NDC80: variants seen among roughly 807,000 people sequenced by gnomAD.
NDC80 encodes the protein kinetochore protein NDC80 homolog.
NDC80 carries 69 observed loss-of-function variants against 89.3 expected under a neutral mutation model. That is an observed-to-expected ratio of 0.77 (90% confidence interval 0.64 to 0.94). The LOEUF is 0.94. Among genes scored for constraint, NDC80 ranks in the 40% least tolerant of loss-of-function variants. The pLI, the probability that NDC80 is intolerant of heterozygous loss-of-function variation, is 0.00. For missense variants in NDC80, 593 were observed against 739.6 expected (o/e 0.80, Z 2.30); for synonymous variants, 243 against 255.6 (o/e 0.95, Z 0.47).
chr18:2,590,840 A>G (rs1388594230), intron 10 of NDC80, among the ~76,000 whole-genome samples: 1 of 152,254 alleles, frequency 6.6e-6, no homozygotes, highest in Non-Finnish European at 1.5e-5. Flanking sequence ...ATATAGAAAT[A>G]TATAAAAATT....
chr18:2,590,370 A>G (rs1370821826), intron 10 of NDC80, among the ~76,000 whole-genome samples: 1 of 152,218 alleles, frequency 6.6e-6, no homozygotes, highest in Non-Finnish European at 1.5e-5. Flanking sequence ...ACAGAAATGT[A>G]TTATCGCACA....
chr18:2,598,891 G>T, intron 11 of NDC80, 128 bp from the exon 12 acceptor site: 3 of 890,504 alleles, frequency 3.4e-6, no homozygotes, highest in South Asian at 2.4e-5. Context: ...TACTGCTAAA[G>T]ATTACTGAAT....
intron 1 of NDC80, 41 bp from the exon 2 acceptor site, chr18:2,572,936 G>C (rs1339592608): frequency 2.0e-6 from 3 of 1,510,640 alleles, no homozygotes; most frequent in Non-Finnish European, 2.7e-6. Context: ...TACCATCTCT[G>C]TCTGGAAAGT....
At chr18:2,604,661 A>G (rs2072701060) in intron 13 of NDC80, among the ~76,000 whole-genome samples, 1 of 152,206 alleles carries the variant, frequency 6.6e-6, no homozygotes, top group South Asian at 2.1e-4. Context: ...AGCCTAGGTG[A>G]CAAAGTGAGA....
At chr18:2,605,359 A>G (rs961361290) in intron 13 of NDC80, among the ~76,000 whole-genome samples, 12 of 149,724 alleles carry the variant, frequency 8.0e-5, no homozygotes, top group Admixed American at 5.4e-4. Flanking sequence ...GTACTTTGGG[A>G]CTCAGAAAAA....
intron 14 of NDC80, among the ~76,000 whole-genome samples, chr18:2,606,819 T>C (rs145687982): frequency 6.6e-6 from 1 of 152,212 alleles, no homozygotes; most frequent in East Asian, 1.9e-4. Context: ...TACCTTTTTG[T>C]AGAGATTTAT....
intron 7 of NDC80, among the ~76,000 whole-genome samples, chr18:2,585,710 CATT>C (rs1297820072): frequency 6.6e-6 from 1 of 151,700 alleles, no homozygotes; most frequent in East Asian, 1.9e-4. Context: ...GTTTGAATCA[CATT>C]ATAATTTCTT....
chr18:2,573,162 T>C (rs1024722592), intron 2 of NDC80, 76 bp downstream of exon 2: 21 of 1,194,360 alleles, frequency 1.8e-5, no homozygotes, highest in Non-Finnish European at 2.5e-5. Flanking sequence ...ATAGTTAATA[T>C]AAAGATGTAA....
chr18:2,589,263 T>C lies in NDC80; in HGVS notation c.823T>C (p.Leu275=). The change falls in exon 9 of 17, where the codon TTG becomes CTG. Residue 275 remains leucine (L), a synonymous_variant. Coordinates refer to ENST00000261597, the MANE Select transcript of NDC80 (RefSeq NM_006101.3). ...LESLEAKNRA[L]NEQIARLEQE... ...ATCATTAGAAGCAAAAAACAGAGCA[T>C]TGAATGAACAGATTGCAAGATTGGA... The C allele has an allele frequency of 3.7e-6, 6 of 1,613,870 alleles. No individual in the cohort carries two copies. The highest frequency in any genetic ancestry group is 2.7e-5 in the African/African-American group (2 of 75,022).
rs2072561278 is a variant in NDC80 at position 2,578,730 on chromosome 18, T to G, written c.477-197T>G. 2.0e-5 allele frequency among the ~76,000 whole-genome samples: 3 copies of G among 152,162 alleles called. 1 individual carries two copies. The South Asian group carries it at 6.2e-4, about 32-fold the overall frequency. On this transcript the variant is annotated intron_variant, in intron 5 of 16. Transcript: ENST00000261597. ...AGGTCAAGTTCTGCAGCTTCGGGGA[T>G]AGATGTACAAAGTAATCTACAGAGA... is the stretch of plus-strand genomic sequence containing the variant.
intron 3 of NDC80, 74 bp downstream of exon 3, chr18:2,575,140 C>A (rs1017183553): frequency 1.0e-6 from 1 of 958,342 alleles, no homozygotes; most frequent in Non-Finnish European, 1.6e-6. Flanking sequence ...AGAACAAATA[C>A]ATTAGATGAC....
At chr18:2,599,211 G>A (rs2143656755) in intron 12 of NDC80, 40 bp downstream of exon 12, 1 of 1,542,398 alleles carries the variant, frequency 6.5e-7, no homozygotes, top group Non-Finnish European at 8.8e-7. Context: ...TTTTAATTCT[G>A]TGATTGGTAT....
intron 13 of NDC80, among the ~76,000 whole-genome samples, chr18:2,604,974 G>C (rs1048892816): frequency 1.3e-5 from 2 of 152,162 alleles, no homozygotes; most frequent in African/African-American, 2.4e-5. Flanking sequence ...ACAGTGAATA[G>C]TAAATGGTAG....
chr18:2,598,475 A>G (rs1359338896), intron 11 of NDC80, among the ~76,000 whole-genome samples: 1 of 152,218 alleles, frequency 6.6e-6, no homozygotes, highest in Non-Finnish European at 1.5e-5. Flanking sequence ...AGGGTGCTAT[A>G]TTAGGGGAAA....
chr18:2,597,777 G>A (rs1203869536), intron 11 of NDC80, among the ~76,000 whole-genome samples: 2 of 152,088 alleles, frequency 1.3e-5, no homozygotes, highest in Non-Finnish European at 2.9e-5. Flanking sequence ...AAAGAAGTAG[G>A]TAGATTCTGA....
intron 11 of NDC80, 72 bp downstream of exon 11, chr18:2,595,693 GA>G (rs2072651475): frequency 1.5e-6 from 2 of 1,304,578 alleles, no homozygotes; most frequent in Admixed American, 4.0e-5. Context: ...CAATTAAGAA[GA>G]AGTCAGTGGG....
At chr18:2,580,731 A>ATGTTTTTTTTTTT (rs2072572825) in intron 6 of NDC80, among the ~76,000 whole-genome samples, 1 of 55,418 alleles carries the variant, frequency 1.8e-5, no homozygotes, top group Admixed American at 3.8e-4. Context: ...TCACCATCAG[A>ATGTTTTTTTTTTT]TTTTTTTTTT....
At position 2,607,965 on chromosome 18, in the gene NDC80, GTATATATATATA is replaced by G. The variant is rs3033372; in HGVS notation, c.1558-712_1558-701del. ...TGTTTTTATTTTACATATATACATA[GTATATATATATA>G]TATATATATATATATATATATAACT... is the stretch of plus-strand genomic sequence containing the variant. On this transcript the variant is annotated intron_variant, in intron 14 of 16. Coordinates refer to ENST00000261597, the MANE Select transcript of NDC80 (RefSeq NM_006101.3). 1.8e-3 allele frequency among the ~76,000 whole-genome samples: 120 copies of G among 68,142 alleles called. 4 individuals carry two copies. The East Asian group carries it at 0.036, about 20-fold the overall frequency. 44.7% of individuals were successfully genotyped at this position (68,142 alleles called of 152,430 possible). A position where few individuals can be genotyped will look rare whatever the true frequency, so the allele number is the denominator to read the frequency against.
intron 7 of NDC80, among the ~76,000 whole-genome samples, chr18:2,585,564 T>C (rs1866467349): frequency 6.6e-6 from 1 of 152,194 alleles, no homozygotes; most frequent in Non-Finnish European, 1.5e-5. Context: ...TCCATTGCTT[T>C]TGCACCATCA....
Sources: gnomAD v4.1 joint callset for allele counts (sites outside exome capture counted in the v4.1 genomes callset) on GRCh38, gnomAD v4.1.1 for gene constraint, MANE v1.5 for transcripts, NCBI Gene and HGNC (gene_info 2026-07-23, HGNC 2026-07-21) for gene names.